Variants in CALN1 observed in about 807,000 individuals in gnomAD.
CALN1 encodes the protein calneuron 1, also known as calcium-binding protein 8.
Under a neutral mutation model 30.6 loss-of-function variants are expected in CALN1, and 17 were observed. That is an observed-to-expected ratio of 0.56 (90% CI 0.38 to 0.83). The LOEUF is 0.83. CALN1 is among the 40% of genes least tolerant of loss of function. CALN1 has a pLI of 0.00. For synonymous variants in CALN1, 156 were observed against 131.4 expected (o/e 1.19, Z -1.28); for missense variants, 291 against 354.9 (o/e 0.82, Z 1.45).
intron 5 of CALN1, among the ~76,000 whole-genome samples, chr7:71,849,781 C>A (rs542096511): frequency 1.5e-3 from 222 of 152,120 alleles, no homozygotes; most frequent in Non-Finnish European, 2.5e-3. Flanking sequence ...GTGGCTGGGG[C>A]TATAGGCGCA....
At chr7:72,361,071 G>A (rs900157737) in intron 2 of CALN1, among the ~76,000 whole-genome samples, 1 of 152,006 alleles carries the variant, frequency 6.6e-6, no homozygotes, top group Admixed American at 6.6e-5. Context: ...GGCATTTGTT[G>A]CAATGAGAAT....
At chr7:72,186,902 T>C (rs1183114070) in intron 3 of CALN1, among the ~76,000 whole-genome samples, 1 of 150,010 alleles carries the variant, frequency 6.7e-6, no homozygotes, top group African/African-American at 2.4e-5. Context: ...TTTTTTTTTT[T>C]TTTTTTTGAT....
At chr7:72,394,682 G>A (rs1355847747) in intron 2 of CALN1, among the ~76,000 whole-genome samples, 1 of 136,704 alleles carries the variant, frequency 7.3e-6, no homozygotes, top group Non-Finnish European at 1.5e-5. Context: ...TTTTTTTTGA[G>A]ACACAGTCTC....
rs117242197 is a variant in CALN1, at chr7:72,207,523, C to T, written c.244+71163G>A. Reference sequence around the variant, plus strand: ...TTGAGACAGAGTCTCGCTCTGTCACCGAGGCTGGAGTGCAGTGGTGCAATC... The same window carrying T: ...TTGAGACAGAGTCTCGCTCTGTCACTGAGGCTGGAGTGCAGTGGTGCAATC... On this transcript the variant is annotated intron_variant, in intron 3 of 6. Coordinates refer to ENST00000395275, the MANE Select transcript of CALN1 (RefSeq NM_031468.4). 2.8e-4 allele frequency among the ~76,000 whole-genome samples: 43 copies of T among 152,192 alleles called. No homozygotes were observed. The East Asian group carries it at 7.8e-3, about 27-fold the overall frequency.
chr7:72,168,805 A>ATTATTTTTT (rs1336334048), intron 3 of CALN1, among the ~76,000 whole-genome samples: 1 of 128,484 alleles, frequency 7.8e-6, no homozygotes, highest in Non-Finnish European at 1.6e-5. Context: ...TATTATTATT[A>ATTATTTTTT]TTTTTTTTTT....
At position 72,407,370 on chromosome 7, in the gene CALN1, C is replaced by G. The variant is rs922496474; in HGVS notation, c.-73-3928G>C. Among the ~76,000 whole-genome samples the G allele has an allele frequency of 5.9e-5, 9 of 152,348 alleles. No homozygotes were observed. The East Asian group carries it at 1.7e-3, about 29-fold the overall frequency. On this transcript the variant is annotated intron_variant, in intron 1 of 6. Coordinates refer to ENST00000395275, the MANE Select transcript of CALN1 (RefSeq NM_031468.4). Reference sequence around the variant, plus strand: ...TTTGGATTTGTGTCCCCACCCAAATCTCATGTCAAACTGTAATCCCCAATG... The same window carrying G: ...TTTGGATTTGTGTCCCCACCCAAATGTCATGTCAAACTGTAATCCCCAATG...
At chr7:72,005,376 T>C (rs1799716917) in intron 5 of CALN1, among the ~76,000 whole-genome samples, 1 of 152,174 alleles carries the variant, frequency 6.6e-6, no homozygotes, top group Non-Finnish European at 1.5e-5. Flanking sequence ...TCACCCAGGC[T>C]GGAGTTCAGT....
At chr7:72,044,529 C>A (rs1166801854) in intron 4 of CALN1, among the ~76,000 whole-genome samples, 1 of 151,672 alleles carries the variant, frequency 6.6e-6, no homozygotes, top group Non-Finnish European at 1.5e-5. Context: ...TTGCATCAAA[C>A]CTCCCCTTCT....
At chr7:72,459,917 G>C in the CALN1 span, among the ~76,000 whole-genome samples, 1 of 152,098 alleles carries the variant, frequency 6.6e-6, no homozygotes. Context: ...GGCATACTTG[G>C]GGCTGGGTAA....
At chr7:71,850,933 C>T (rs1165588544) in intron 5 of CALN1, among the ~76,000 whole-genome samples, 1 of 152,092 alleles carries the variant, frequency 6.6e-6, no homozygotes, top group Admixed American at 6.6e-5. Flanking sequence ...GCAATATTGG[C>T]CTGGTGCAGT....
chr7:71,911,610 C>T (rs1433478039), intron 5 of CALN1, among the ~76,000 whole-genome samples: 1 of 152,060 alleles, frequency 6.6e-6, no homozygotes, highest in African/African-American at 2.4e-5. Flanking sequence ...AGGAGCTGGG[C>T]AGAGAGAAAA....
At chr7:72,302,889 G>A (rs951542728) in intron 2 of CALN1, among the ~76,000 whole-genome samples, 1 of 52,420 alleles carries the variant, frequency 1.9e-5, no homozygotes, top group Non-Finnish European at 3.6e-5. Context: ...GAGAGTGAGG[G>A]TCTCAAAAAA....
intron 3 of CALN1, among the ~76,000 whole-genome samples, chr7:72,118,161 T>C (rs547072899): frequency 2.0e-5 from 3 of 152,252 alleles, no homozygotes; most frequent in Admixed American, 6.5e-5. Flanking sequence ...CATTTTTTAA[T>C]TAAAACATGA....
chr7:72,352,283 T>G (rs2968514), intron 2 of CALN1, among the ~76,000 whole-genome samples: 148,835 of 151,380 alleles, frequency 0.98, 73,203 homozygotes, highest in Middle Eastern at 1. Context: ...CAGCTACTTG[T>G]GAGGCTGAGG....
rs746236832 is a variant in CALN1 at position 72,408,751 on chromosome 7, C to T, written c.-74+3307G>A. 1.3e-4 allele frequency among the ~76,000 whole-genome samples: 17 copies of T among 127,298 alleles called. 1 individual carries two copies. Among genetic ancestry groups the T allele is most frequent in the South Asian group, 1.0e-3 (4 of 3,830 alleles). 83.5% of individuals were successfully genotyped at this position (127,298 alleles called of 152,430 possible). On this transcript the variant is annotated intron_variant, in intron 1 of 6. Coordinates refer to ENST00000395275, the MANE Select transcript of CALN1 (RefSeq NM_031468.4). ...GAGTGCAGAGGCGCAATCATAGCTC[C>T]CTGCAGCCTCAACCTCCCGGGCTCA...
At chr7:72,178,121 A>G (rs1191102497) in intron 3 of CALN1, among the ~76,000 whole-genome samples, 1 of 152,210 alleles carries the variant, frequency 6.6e-6, no homozygotes, top group Non-Finnish European at 1.5e-5. Flanking sequence ...GGGGGAAAAA[A>G]TTTGTAAGCA....
chr7:72,081,179 C>G (rs1307834461), intron 4 of CALN1, among the ~76,000 whole-genome samples: 2 of 152,070 alleles, frequency 1.3e-5, no homozygotes, highest in African/African-American at 4.8e-5. Context: ...AAACCATCTT[C>G]AGAAACAGCA....
chr7:71,803,057 C>T (rs1787400396), intron 6 of CALN1, among the ~76,000 whole-genome samples: 1 of 152,044 alleles, frequency 6.6e-6, no homozygotes, highest in African/African-American at 2.4e-5. Flanking sequence ...AAAAGTATAG[C>T]AAGCATATTT....
intron 2 of CALN1, among the ~76,000 whole-genome samples, chr7:72,401,818 G>A (rs189047452): frequency 9.9e-5 from 15 of 152,260 alleles, no homozygotes; most frequent in Non-Finnish European, 1.8e-4. Flanking sequence ...CCTTTCCTCC[G>A]TCACACCAGC....
Sources: allele counts gnomAD v4.1 joint callset (sites outside exome capture counted in the v4.1 genomes callset), GRCh38; gene constraint gnomAD v4.1.1; transcripts MANE v1.5; gene names NCBI Gene and HGNC (gene_info 2026-07-23, HGNC 2026-07-21).